EIPR1: variants seen among roughly 807,000 people sequenced by gnomAD.
The protein encoded by EIPR1 is EARP complex and GARP complex interacting protein 1.
EIPR1 carries 25 observed loss-of-function variants against 48.1 expected under a neutral mutation model. The ratio of observed to expected loss-of-function variants is 0.52; its 90% CI spans 0.38 to 0.73. EIPR1 has a LOEUF of 0.73. Ranked by LOEUF, EIPR1 falls within the 30% of genes least tolerant of loss-of-function variation. The pLI, the probability that EIPR1 is intolerant of heterozygous loss-of-function variation, is 0.00. For missense variants in EIPR1, 415 were observed against 506.2 expected, an observed-to-expected ratio of 0.82 and a Z score of 1.73; for synonymous variants, 204 against 201.9, an observed-to-expected ratio of 1.01 and a Z score of -0.09.
chr2:3,304,884 C>G (rs75049614), intron 3 of EIPR1, among the ~76,000 whole-genome samples: 1,525 of 106,704 alleles, frequency 0.014, 7 homozygotes, highest in Non-Finnish European at 0.016. Context: ...GCCCTCCATT[C>G]CCGTCCAGTT....
At chr2:3,377,418 G>A (rs13022433) in intron 1 of EIPR1, 83,623 of 460,800 alleles carry the variant, frequency 0.18, 8,280 homozygotes, top group East Asian at 0.23. Flanking sequence ...TCATGTTCGG[G>A]ACAGGATGTG....
At chr2:3,337,270 G>A (rs1670096908) in intron 3 of EIPR1, among the ~76,000 whole-genome samples, 5 of 152,108 alleles carry the variant, frequency 3.3e-5, no homozygotes, top group Admixed American at 2.6e-4. Context: ...CTGAAGCCAG[G>A]GTATGAGAGA....
At chr2:3,343,830 T>C (rs896465505) in intron 2 of EIPR1, among the ~76,000 whole-genome samples, 1 of 152,036 alleles carries the variant, frequency 6.6e-6, no homozygotes, top group African/African-American at 2.4e-5. Context: ...GGCTGCTGAG[T>C]ACAGAGCTGA....
At chr2:3,283,944 TAAAAAAA>T (rs59593196) in intron 3 of EIPR1, among the ~76,000 whole-genome samples, 36 of 92,906 alleles carry the variant, frequency 3.9e-4, no homozygotes, top group Non-Finnish European at 6.3e-4. Flanking sequence ...AGACTACATC[TAAAAAAA>T]AAAAAAAAAA....
At position 3,257,447 on chromosome 2, in the gene EIPR1, T is replaced by C; in HGVS notation, c.268A>G (p.Ser90Gly). ...ACGGCTGCACATGTCAGGACTTTGCTGTCTGAAGCTGAGCAACAGAGCATA... is the reference window on the plus strand; with the variant it reads ...ACGGCTGCACATGTCAGGACTTTGCCGTCTGAAGCTGAGCAACAGAGCATA... Reference protein sequence around the residue: ...LTTCYNRTSDSKVLTCAAVWR... With the variant: ...LTTCYNRTSDGKVLTCAAVWR... The change falls in exon 4 of 9, where the codon AGC (serine) becomes GGC (glycine). Residue 90 changes from serine (S) to glycine (G), a missense_variant. Physicochemically the swap from Ser to Gly is moderately conservative, Grantham distance 56 (BLOSUM62 0). Transcript: ENST00000382125. The C allele has an allele frequency of 6.2e-7, 1 of 1,614,178 alleles. No homozygotes were observed. The highest frequency in any genetic ancestry group is 8.5e-7 in the Non-Finnish European group (1 of 1,180,008).
chr2:3,201,997 C>A (rs575098962), intron 5 of EIPR1, among the ~76,000 whole-genome samples: 22 of 152,166 alleles, frequency 1.4e-4, no homozygotes, highest in African/African-American at 5.3e-4. Context: ...AGTGCAGTGG[C>A]GCGATCTCGG....
intron 3 of EIPR1, among the ~76,000 whole-genome samples, chr2:3,295,758 CCT>C (rs1191093661): frequency 7.4e-6 from 1 of 135,514 alleles, no homozygotes; most frequent in African/African-American, 2.8e-5. Context: ...TCCAGCCCGT[CCT>C]CTCTCTGCAC....
At chr2:3,338,569 C>T (rs1402798156) in intron 2 of EIPR1, among the ~76,000 whole-genome samples, 1 of 152,148 alleles carries the variant, frequency 6.6e-6, no homozygotes, top group African/African-American at 2.4e-5. Flanking sequence ...GCACGACTGC[C>T]TAATTAGGTC....
intron 4 of EIPR1, among the ~76,000 whole-genome samples, chr2:3,246,813 GAGGGAGGGAGGA>G (rs1224725783): frequency 1.3e-4 from 8 of 63,632 alleles, no homozygotes; most frequent in African/African-American, 5.5e-4. Flanking sequence ...GGCAGGGAGG[GAGGGAGGGAGGA>G]AGGGAGGGAA....
In EIPR1 at chr2:3,293,837, G is replaced by A. The variant is rs184298919; in HGVS notation, c.260-36382C>T. On this transcript the variant is annotated intron_variant, in intron 3 of 8. Transcript: ENST00000382125. The stretch of plus-strand genomic sequence containing the variant: ...GACAATTTTGAATTTGTCTGTCGCC[G>A]AACACGTTAATGTCTAAACATGTCC... 1.4e-4 allele frequency among the ~76,000 whole-genome samples: 22 copies of A among 152,242 alleles called. No individual in the cohort carries two copies. In the East Asian group the frequency reaches 4.2e-3, roughly 29 times the overall value.
chr2:3,232,944 G>T (rs190470885), intron 4 of EIPR1, among the ~76,000 whole-genome samples: 9 of 152,308 alleles, frequency 5.9e-5, no homozygotes, highest in Admixed American at 5.9e-4. Context: ...TAAAACACAA[G>T]AAGCCTCTTG....
intron 3 of EIPR1, among the ~76,000 whole-genome samples, chr2:3,277,322 A>G (rs1667882802): frequency 1.3e-5 from 2 of 151,610 alleles, no homozygotes; most frequent in South Asian, 4.2e-4. Context: ...TTCTCCATTC[A>G]ACGCATTGAA....
At chr2:3,255,058 T>C (rs1335043219) in intron 4 of EIPR1, among the ~76,000 whole-genome samples, 3 of 152,166 alleles carry the variant, frequency 2.0e-5, no homozygotes, top group African/African-American at 7.2e-5. Flanking sequence ...TGCAATAATA[T>C]ATTGGATAAC....
rs1338077383 is a variant in EIPR1, at chr2:3,189,325, G to T, written c.*9C>A. The T allele has an allele frequency of 6.4e-7, 1 of 1,570,410 alleles. No individual in the cohort carries two copies. The highest frequency in any genetic ancestry group is 1.7e-5 in the Admixed American group (1 of 57,992). ...ACTCAATGGGACCTGGATAACCCAG[G>T]CCCGGGAGTCATAGCAGGATGTGGT... On this transcript the variant is annotated 3_prime_UTR_variant, in exon 9 of 9. Coordinates refer to ENST00000382125, the MANE Select transcript of EIPR1 (RefSeq NM_003310.5). This position sits in a 1 kb window ranked among gnomAD's most constrained non-coding sequence, Gnocchi z 4.6.
intron 4 of EIPR1, among the ~76,000 whole-genome samples, chr2:3,234,520 G>GT (rs1234025149): frequency 1.3e-5 from 2 of 152,196 alleles, no homozygotes; most frequent in African/African-American, 4.8e-5. Context: ...GCCCAACATG[G>GT]TGAATGCACA....
At chr2:3,281,196 T>C (rs543414088) in intron 3 of EIPR1, among the ~76,000 whole-genome samples, 104 of 152,094 alleles carry the variant, frequency 6.8e-4, no homozygotes, top group African/African-American at 2.4e-3. Context: ...ACTCAACAAC[T>C]TGGAAATCAG....
At chr2:3,254,886 G>A (rs974761164) in intron 4 of EIPR1, among the ~76,000 whole-genome samples, 2 of 152,208 alleles carry the variant, frequency 1.3e-5, no homozygotes, top group Admixed American at 6.5e-5. Flanking sequence ...AGTTCAGTGG[G>A]CTGTATCAAT....
intron 3 of EIPR1, chr2:3,319,080 C>G (rs867732096): frequency 1.5e-5 from 6 of 396,442 alleles, no homozygotes; most frequent in African/African-American, 2.1e-5. Flanking sequence ...GATATTTAAT[C>G]TCATTGGCTT....
rs560168378 is a variant in EIPR1 at position 3,192,697 on chromosome 2, G to A, written c.822-116C>T. On this transcript the variant is annotated intron_variant, in intron 7 of 8. Transcript: ENST00000382125. ...TGGGGCTCACGTTAGGCACTGCCAG[G>A]CAATCGGCCCCCAGTCACAGGGCCT... is the stretch of plus-strand genomic sequence containing the variant. 2.6e-4 allele frequency: 265 copies of A among 1,035,626 alleles called. 4 individuals carry two copies. In the South Asian group the frequency reaches 3.0e-3, roughly 12 times the overall value. 64.2% of individuals were successfully genotyped at this position (1,035,626 alleles called of 1,614,324 possible). A position where few individuals can be genotyped will look rare whatever the true frequency, so the allele number is the denominator to read the frequency against.
Sources: allele counts gnomAD v4.1 joint callset (sites outside exome capture counted in the v4.1 genomes callset), GRCh38; gene constraint gnomAD v4.1.1; non-coding constraint Gnocchi (gnomAD v3.1); transcripts MANE v1.5; gene names NCBI Gene and HGNC (gene_info 2026-07-23, HGNC 2026-07-21).